Variants in TRPC7 observed in about 807,000 individuals in gnomAD.
TRPC7 encodes the protein short transient receptor potential channel 7.
A neutral mutation model predicts 90.1 loss-of-function variants in TRPC7; 42 were observed. The ratio of observed to expected loss-of-function variants is 0.47; its 90% confidence interval spans 0.36 to 0.60. TRPC7 has a LOEUF of 0.60. TRPC7 is among the 20% of genes least tolerant of loss of function. The pLI, the probability that TRPC7 is intolerant of heterozygous loss-of-function variation, is 0.00. For missense variants in TRPC7, 955 were observed against 1,112.3 expected (o/e 0.86, Z 2.01); for synonymous variants, 451 against 436.3 (o/e 1.03, Z -0.42).
chr5:136,248,821 T>G (rs1756429801), intron 6 of TRPC7, among the ~76,000 whole-genome samples: 1 of 152,260 alleles, frequency 6.6e-6, no homozygotes, highest in Non-Finnish European at 1.5e-5. Flanking sequence ...ATCAGCTGTC[T>G]ATTACATGTC....
chr5:136,289,176 G>A (rs1046261126), intron 3 of TRPC7, among the ~76,000 whole-genome samples: 1 of 152,176 alleles, frequency 6.6e-6, no homozygotes, highest in Non-Finnish European at 1.5e-5. Context: ...GTATTAGGGG[G>A]TGGAGCCAAG....
At chr5:136,342,360 G>C (rs181255030) in intron 2 of TRPC7, among the ~76,000 whole-genome samples, 1 of 152,348 alleles carries the variant, frequency 6.6e-6, no homozygotes, top group East Asian at 1.9e-4. Flanking sequence ...GGTGCAGACT[G>C]CTGGGTGTGT....
At chr5:136,347,983 G>A (rs994470666) in intron 2 of TRPC7, among the ~76,000 whole-genome samples, 1 of 152,236 alleles carries the variant, frequency 6.6e-6, no homozygotes, top group African/African-American at 2.4e-5. Context: ...TGAAGCACCT[G>A]CTGGTGGAGA....
chr5:136,259,101 C>G (rs1166119210), intron 5 of TRPC7, among the ~76,000 whole-genome samples: 2 of 152,180 alleles, frequency 1.3e-5, no homozygotes, highest in African/African-American at 4.8e-5. Context: ...TATAGTAGCC[C>G]CCAATTATTG....
intron 5 of TRPC7, among the ~76,000 whole-genome samples, chr5:136,256,487 C>T (rs1382145194): frequency 6.6e-6 from 1 of 152,184 alleles, no homozygotes; most frequent in East Asian, 1.9e-4. Context: ...GCCAATATTA[C>T]ATCCCTCAAG....
At chr5:136,237,231 G>A (rs1756010180) in intron 7 of TRPC7, among the ~76,000 whole-genome samples, 1 of 152,186 alleles carries the variant, frequency 6.6e-6, no homozygotes, top group Admixed American at 6.5e-5. Flanking sequence ...TCAACAAGGA[G>A]TTTGATTTAG....
intron 6 of TRPC7, among the ~76,000 whole-genome samples, chr5:136,251,227 C>T (rs1756507097): frequency 6.6e-6 from 1 of 152,162 alleles, no homozygotes; most frequent in Non-Finnish European, 1.5e-5. Context: ...ACTAGGAAAG[C>T]AGGATTTATT....
At chr5:136,240,799 AGTATTT>A (rs1162897784) in intron 7 of TRPC7, among the ~76,000 whole-genome samples, 2 of 152,136 alleles carry the variant, frequency 1.3e-5, no homozygotes, top group African/African-American at 4.8e-5. Flanking sequence ...TTCCTGTAAT[AGTATTT>A]GTATTATTCC....
At chr5:136,257,859 C>T (rs904157260) in intron 5 of TRPC7, among the ~76,000 whole-genome samples, 1 of 152,132 alleles carries the variant, frequency 6.6e-6, no homozygotes, top group Admixed American at 6.5e-5. Context: ...TTAAAAATCT[C>T]AACATCTGAG....
At chr5:136,218,040 A>AAT (rs1429192980) in intron 10 of TRPC7, among the ~76,000 whole-genome samples, 81 of 145,134 alleles carry the variant, frequency 5.6e-4, no homozygotes, top group African/African-American at 1.8e-3. Flanking sequence ...AAGAAAAAAG[A>AAT]ATATATATAT....
In TRPC7 at chr5:136,231,416, T is replaced by C. The variant is rs1380450435; in HGVS notation, c.1978A>G (p.Met660Val). 1 of 1,612,882 alleles carries C rather than the reference T, an allele frequency of 6.2e-7. No individual in the cohort carries two copies. The highest frequency in any genetic ancestry group is 1.1e-5 in the South Asian group (1 of 90,870). Reference sequence around the variant, plus strand: ...AGCATGTTGAGCAACACTACCACCATGGTGACGTTATAAACGCCGTAGAGA... The same window carrying C: ...AGCATGTTGAGCAACACTACCACCACGGTGACGTTATAAACGCCGTAGAGA... Reference protein sequence around the residue: ...YVLYGVYNVTMVVVLLNMLIA... With the variant: ...YVLYGVYNVTVVVVLLNMLIA... Residue 660 changes from methionine to valine, a missense_variant, in exon 8 of 12, where the codon ATG (methionine) becomes GTG (valine). Transcript: ENST00000513104.
At chr5:136,285,920 C>G (rs756537117) in intron 3 of TRPC7, among the ~76,000 whole-genome samples, 13 of 152,214 alleles carry the variant, frequency 8.5e-5, no homozygotes, top group Non-Finnish European at 1.3e-4. Context: ...GTGTCCCCTA[C>G]TCAGTTCCTC....
intron 2 of TRPC7, among the ~76,000 whole-genome samples, chr5:136,356,082 A>G (rs1011674899): frequency 6.6e-6 from 1 of 152,194 alleles, no homozygotes; most frequent in Non-Finnish European, 1.5e-5. Context: ...TCCTCAGCCC[A>G]TTGACAAGAA....
Position 136,357,262 on chromosome 5 carries a change from G to T in TRPC7, c.126C>A (p.Pro42=). 3 of 1,613,460 alleles carry T rather than the reference G, an allele frequency of 1.9e-6. No individual in the cohort carries two copies. Among genetic ancestry groups the T allele is most frequent in the Non-Finnish European group, 2.5e-6 (3 of 1,179,916 alleles). Residue 42 remains proline, a synonymous_variant, in exon 2 of 12, where the codon CCC becomes CCA. Transcript: ENST00000513104. ...CCGAGTCCAGGAAGCGCTCCTCCTC[G>T]GGCGTCAGACTGGTGCCCTTCTCGT... ...MFNEKGTSLT[P]EEERFLDSAE...
intron 7 of TRPC7, among the ~76,000 whole-genome samples, chr5:136,236,197 G>C (rs1755973493): frequency 6.6e-6 from 1 of 152,222 alleles, no homozygotes; most frequent in African/African-American, 2.4e-5. Flanking sequence ...GGAGGTCCCA[G>C]TCTACAAGCA....
At chr5:136,286,093 A>G (rs937231242) in intron 3 of TRPC7, among the ~76,000 whole-genome samples, 1 of 152,254 alleles carries the variant, frequency 6.6e-6, no homozygotes, top group African/African-American at 2.4e-5. Context: ...AGTACATAGT[A>G]TAATTTCAAG....
intron 1 of TRPC7, among the ~76,000 whole-genome samples, chr5:136,362,270 C>T (rs1760590383): frequency 6.6e-6 from 1 of 152,202 alleles, no homozygotes; most frequent in African/African-American, 2.4e-5. Flanking sequence ...TTCACATTAA[C>T]CATGTGCCAG....
chr5:136,222,485 C>T (rs1755494285), intron 10 of TRPC7, among the ~76,000 whole-genome samples: 2 of 152,190 alleles, frequency 1.3e-5, no homozygotes, highest in South Asian at 4.1e-4. Context: ...ATGTTCTCTG[C>T]ACATTTGGAA....
chr5:136,255,035 A>G (rs1446847200), intron 5 of TRPC7, among the ~76,000 whole-genome samples: 1 of 152,228 alleles, frequency 6.6e-6, no homozygotes, highest in Non-Finnish European at 1.5e-5. Context: ...CTGCAATTTC[A>G]TGATAAAACT....
Sources: allele counts gnomAD v4.1 joint callset (sites outside exome capture counted in the v4.1 genomes callset), GRCh38; gene constraint gnomAD v4.1.1; transcripts MANE v1.5; gene names NCBI Gene and HGNC (gene_info 2026-07-23, HGNC 2026-07-21).